RNF17: variants seen among roughly 807,000 people sequenced by gnomAD.
RNF17 encodes ring finger protein 17.
A neutral mutation model predicts 200.5 loss-of-function variants in RNF17; 31 were observed. The ratio of observed to expected loss-of-function variants is 0.15; its 90% CI spans 0.12 to 0.21. RNF17 has a LOEUF of 0.21. Among genes scored for constraint, RNF17 ranks in the 10% least tolerant of loss-of-function variants. RNF17 has a pLI of 1.00. For missense variants in RNF17, 1,628 were observed against 1,905.1 expected (o/e 0.85, Z 2.71); for synonymous variants, 606 against 637.8 (o/e 0.95, Z 0.75).
chr13:24,830,349 T>G, intron 16 of RNF17, 135 bp from the exon 17 acceptor site: 1 of 556,356 alleles, frequency 1.8e-6, no homozygotes, highest in South Asian at 2.7e-5. Context: ...TGAAATATTT[T>G]TTACATTTTA....
At position 24,797,705 on chromosome 13, in the gene RNF17, AGT is replaced by A. The variant is rs777888152; in HGVS notation, c.1399+1449_1399+1450del. Among the ~76,000 whole-genome samples the A allele has an allele frequency of 8.9e-4, 106 of 119,026 alleles. 1 individual carries two copies. The highest frequency in any genetic ancestry group is 1.7e-3 in the African/African-American group (54 of 31,272). 78.1% of individuals were successfully genotyped at this position (119,026 alleles called of 152,430 possible). A position where few individuals can be genotyped will look rare whatever the true frequency, so the allele number is the denominator to read the frequency against. Reference sequence around the variant, plus strand: ...GAGAGAGAGAGAGAGAGAGACAAAGAGTGTGTGTGTGTGTGTGTGTGTGTGTG... The same window carrying A: ...GAGAGAGAGAGAGAGAGAGACAAAGAGTGTGTGTGTGTGTGTGTGTGTGTG... On this transcript the variant is annotated intron_variant, in intron 11 of 35. Coordinates refer to ENST00000255324, the MANE Select transcript of RNF17 (RefSeq NM_031277.3).
chr13:24,809,068 T>G (rs1162650311), intron 15 of RNF17, among the ~76,000 whole-genome samples: 1 of 151,944 alleles, frequency 6.6e-6, no homozygotes, highest in Non-Finnish European at 1.5e-5. Flanking sequence ...TGAGGATTTT[T>G]GCATCAATGT....
At chr13:24,812,922 T>C (rs1304626925) in intron 15 of RNF17, among the ~76,000 whole-genome samples, 1 of 151,908 alleles carries the variant, frequency 6.6e-6, no homozygotes, top group African/African-American at 2.4e-5. Context: ...GACTTTGTGA[T>C]CCACCCGCCT....
intron 12 of RNF17, 65 bp from the exon 13 acceptor site, chr13:24,800,301 G>C (rs1223951146): frequency 8.7e-7 from 1 of 1,155,484 alleles, no homozygotes; most frequent in African/African-American, 1.5e-5. Flanking sequence ...CATACCTTCT[G>C]TGGGGGAAAA....
chr13:24,759,707 A>G (rs1386201202), upstream of RNF17, among the ~76,000 whole-genome samples: 1 of 152,198 alleles, frequency 6.6e-6, no homozygotes, highest in African/African-American at 2.4e-5. Flanking sequence ...GCAAAGAAAG[A>G]AAAAAAGGAA....
downstream of RNF17, chr13:24,884,555 G>T: frequency 8.2e-7 from 1 of 1,221,244 alleles, no homozygotes; most frequent in Non-Finnish European, 1.2e-6. Context: ...GAAATTTTTT[G>T]TAATAAAATG....
At chr13:24,801,417 A>G (rs1192813172) in intron 13 of RNF17, among the ~76,000 whole-genome samples, 2 of 152,122 alleles carry the variant, frequency 1.3e-5, no homozygotes, top group Non-Finnish European at 2.9e-5. Context: ...CCGAGATGGG[A>G]GGACCGCTTC....
chr13:24,806,488 T>C (rs1885861803), intron 15 of RNF17, among the ~76,000 whole-genome samples: 2 of 152,188 alleles, frequency 1.3e-5, no homozygotes, highest in Admixed American at 1.3e-4. Context: ...GCATTCCTAT[T>C]TCTCCACATC....
chr13:24,868,781 A>G (rs1893950095), intron 31 of RNF17, 65 bp downstream of exon 31: 9 of 876,264 alleles, frequency 1.0e-5, no homozygotes, highest in South Asian at 4.2e-5. Flanking sequence ...CTTAAACACT[A>G]TAAGTGACTC....
intron 3 of RNF17, among the ~76,000 whole-genome samples, chr13:24,775,237 T>C (rs1593221207): frequency 6.6e-6 from 1 of 152,316 alleles, no homozygotes; most frequent in Non-Finnish European, 1.5e-5. Context: ...TGATTCTTTT[T>C]AAAAATTTTT....
At chr13:24,871,602 G>T (rs1449545175) in intron 32 of RNF17, among the ~76,000 whole-genome samples, 1 of 150,482 alleles carries the variant, frequency 6.6e-6, no homozygotes, top group Non-Finnish European at 1.5e-5. Context: ...CCAAAATGCT[G>T]GGCTTATAGG....
In RNF17 at chr13:24,793,262, T is replaced by C. The variant is rs1210942458; in HGVS notation, c.1156T>C (p.Ser386Pro). 1 of 1,614,004 alleles carries C rather than the reference T, an allele frequency of 6.2e-7. No homozygotes were observed. Among genetic ancestry groups the C allele is most frequent in the Non-Finnish European group, 8.5e-7 (1 of 1,179,944 alleles). ...FQPQKDVATA[S>P]PKTIAVLPQM... is the part of the protein sequence containing the mutation. ...GCCACAGAAAGACGTTGCAACAGCA[T>C]CCCCTAAAACCATTGCTGTGTTACC... The change falls in exon 10 of 36, where the codon TCC becomes CCC. Residue 386 changes from serine to proline, a missense_variant. Ser to Pro is a moderately conservative substitution (Grantham distance 74). This residue lies in a region of RNF17 where 502 missense variants were observed against 501.7 expected (regional missense o/e 1.00). Transcript: ENST00000255324.
intron 15 of RNF17, among the ~76,000 whole-genome samples, chr13:24,818,344 A>C (rs1242089927): frequency 1.3e-5 from 2 of 152,184 alleles, no homozygotes; most frequent in Non-Finnish European, 2.9e-5. Flanking sequence ...AAAAAAAAGA[A>C]AAGGTATATT....
intron 15 of RNF17, among the ~76,000 whole-genome samples, chr13:24,812,819 C>G (rs1247925309): frequency 2.6e-5 from 4 of 151,838 alleles, no homozygotes; most frequent in African/African-American, 7.3e-5. Flanking sequence ...GTAGCTGGGA[C>G]TACGGGTGCC....
At position 24,851,450 on chromosome 13, in the gene RNF17, C is replaced by T. The variant is rs763332110; in HGVS notation, c.3205-6C>T. On this transcript the variant is annotated splice_region_variant and splice_polypyrimidine_tract_variant and intron_variant, in intron 23 of 35. Transcript: ENST00000255324. ...TCATATTTACTCTGCTCTTAAATCA[C>T]TACAGGAAAACAACACAACATGGCC... 4 of 1,594,606 alleles carry T rather than the reference C, an allele frequency of 2.5e-6. No homozygotes were observed. The Admixed American group carries it at 5.1e-5, about 20-fold the overall frequency.
chr13:24,867,869 GCAT>G (rs58303500), intron 30 of RNF17, among the ~76,000 whole-genome samples: 63,051 of 150,042 alleles, frequency 0.42, 13,141 homozygotes, highest in Admixed American at 0.46. Context: ...AGCATTTCAT[GCAT>G]TATTTTAGTT....
chr13:24,816,591 A>G (rs1043306247), intron 15 of RNF17, among the ~76,000 whole-genome samples: 41 of 152,350 alleles, frequency 2.7e-4, no homozygotes, highest in African/African-American at 9.9e-4. Context: ...ACCTTAATAA[A>G]GGCAGAGTTC....
At chr13:24,816,108 C>G (rs1264688255) in intron 15 of RNF17, among the ~76,000 whole-genome samples, 3 of 152,144 alleles carry the variant, frequency 2.0e-5, no homozygotes, top group African/African-American at 7.2e-5. Context: ...CTATGTTACA[C>G]AGGCTGGTCT....
intron 15 of RNF17, among the ~76,000 whole-genome samples, chr13:24,813,793 A>ATTT (rs61022176): frequency 1.9e-5 from 1 of 53,924 alleles, no homozygotes; most frequent in African/African-American, 7.1e-5. Context: ...CAGCTCGCTA[A>ATTT]TTTTTTTTTT....
Sources: gnomAD v4.1 joint callset for allele counts (sites outside exome capture counted in the v4.1 genomes callset) on GRCh38, gnomAD v4.1.1 for gene constraint, gnomAD v4.1.1 regional missense constraint, MANE v1.5 for transcripts, NCBI Gene and HGNC (gene_info 2026-07-23, HGNC 2026-07-21) for gene names.